The following ITGAL variants were observed in gnomAD, a reference collection of about 807,000 sequenced individuals.
ITGAL encodes integrin alpha-L.
In ITGAL, 68 loss-of-function variants were observed where a neutral mutation model predicts 138.4. The observed-to-expected ratio is 0.49, with a 90% CI of 0.40 to 0.60. The LOEUF is 0.60. Ranked by LOEUF, ITGAL falls within the 20% of genes least tolerant of loss-of-function variation. ITGAL has a pLI of 0.00. For synonymous variants in ITGAL, 561 were observed against 584.3 expected (o/e 0.96, Z 0.57); for missense variants, 1,256 against 1,478.6 (o/e 0.85, Z 2.47).
Position 30,481,566 on chromosome 16 carries a change from G to A in ITGAL, c.704G>A (p.Gly235Asp). The A allele has an allele frequency of 6.2e-7, 1 of 1,613,672 alleles. No individual in the cohort carries two copies. The highest frequency in any genetic ancestry group is 1.1e-5 in the South Asian group (1 of 90,980). Residue 235 changes from glycine (G) to aspartate (D), a missense_variant, in exon 7 of 31, where the codon GGT (glycine) becomes GAT (aspartate). Around this residue, in one of 3 missense-constraint regions of ITGAL, gnomAD observed 177 missense variants for 288.8 expected, o/e 0.61. Transcript: ENST00000356798. Reference protein sequence around the residue: ...KHMLLLTNTFGAINYVATEVF... With the variant: ...KHMLLLTNTFDAINYVATEVF... ...ATGTTGCTGTTGACCAATACCTTTG[G>A]TGCCATCAATTATGTCGCGTGAGTT...
At chr16:30,488,622 G>A (rs909700779) in intron 9 of ITGAL, among the ~76,000 whole-genome samples, 1 of 142,532 alleles carries the variant, frequency 7.0e-6, no homozygotes, top group Non-Finnish European at 1.5e-5. Flanking sequence ...AGAATCGCTT[G>A]AACCCAGGAG....
At chr16:30,483,057 G>A (rs1383894107) in intron 7 of ITGAL, 2 of 152,014 alleles carry the variant, frequency 1.3e-5, no homozygotes, top group African/African-American at 4.8e-5. Context: ...GAACTCCCAG[G>A]GCAGAAATTT....
At chr16:30,508,110 G>T (rs897260584) in intron 21 of ITGAL, among the ~76,000 whole-genome samples, 1 of 149,684 alleles carries the variant, frequency 6.7e-6, no homozygotes, top group Non-Finnish European at 1.5e-5. Flanking sequence ...GGGTTTCACT[G>T]TGTTAGCCAG....
rs2051276126 is a variant in ITGAL at position 30,522,977 on chromosome 16, G to A, written c.*1312G>A. Reference sequence around the variant, plus strand: ...AAAAATAAAAATAAAAAGCGGGCACGGGCCCGTGACATCCCCACCCTTGGA... The same window carrying A: ...AAAAATAAAAATAAAAAGCGGGCACAGGCCCGTGACATCCCCACCCTTGGA... On this transcript the variant is annotated 3_prime_UTR_variant, in exon 31 of 31. Coordinates refer to ENST00000356798, the MANE Select transcript of ITGAL (RefSeq NM_002209.3). The surrounding 1 kb of genome is among the most constrained non-coding windows in gnomAD (Gnocchi z 4.0). 2 of 152,354 alleles carry A rather than the reference G, an allele frequency of 1.3e-5. No homozygotes were observed. Among genetic ancestry groups the A allele is most frequent in the African/African-American group, 2.4e-5 (1 of 41,436 alleles). 9.4% of individuals were successfully genotyped at this position (152,354 alleles called of 1,614,324 possible).
intron 24 of ITGAL, among the ~76,000 whole-genome samples, chr16:30,512,192 A>G (rs2051100186): frequency 6.6e-6 from 1 of 152,178 alleles, no homozygotes; most frequent in East Asian, 1.9e-4. Context: ...ATCCTAGCCT[A>G]TGGGCAGGAA....
chr16:30,475,430 A>G, intron 3 of ITGAL, 30 bp downstream of exon 3: 1 of 1,605,582 alleles, frequency 6.2e-7, no homozygotes, highest in Non-Finnish European at 8.5e-7. Flanking sequence ...GCTGGGAGGA[A>G]TGGGATCTTG....
intron 9 of ITGAL, among the ~76,000 whole-genome samples, chr16:30,484,953 A>C (rs1321801342): frequency 6.6e-6 from 1 of 151,772 alleles, no homozygotes; most frequent in Non-Finnish European, 1.5e-5. Context: ...ACAAAAAAAA[A>C]CCTCCCCTGG....
rs375748761 is a variant in ITGAL, at chr16:30,472,824, C to T, written c.-14C>T. The T allele has an allele frequency of 6.8e-6, 11 of 1,611,736 alleles. No homozygotes were observed. The highest frequency in any genetic ancestry group is 5.3e-5 in the African/African-American group (4 of 75,008). The stretch of plus-strand genomic sequence containing the variant: ...GCTGCCCCTGGGGCCACAGGTCCCT[C>T]GAGTGCTGGAAGGATGAAGGATTCC... On this transcript the variant is annotated 5_prime_UTR_variant, in exon 1 of 31. Coordinates refer to ENST00000356798, the MANE Select transcript of ITGAL (RefSeq NM_002209.3).
Position 30,472,845 on chromosome 16 carries a change from A to G in ITGAL, c.8A>G (p.Asp3Gly). 6.2e-7 allele frequency: 1 copy of G among 1,612,832 alleles called. No homozygotes were observed. The highest frequency in any genetic ancestry group is 8.5e-7 in the Non-Finnish European group (1 of 1,179,794). ...CCCTCGAGTGCTGGAAGGATGAAGG[A>G]TTCCTGCATCACTGTGATGGCCATG... Reference protein sequence around the residue: MKDSCITVMAMAL... With the variant: MKGSCITVMAMAL... The change falls in exon 1 of 31, where the codon GAT (aspartate) becomes GGT (glycine). Residue 3 changes from aspartate (D) to glycine (G), a missense_variant. This residue lies in a region of ITGAL where 212 missense variants were observed against 217.4 expected (regional missense o/e 0.98). Transcript: ENST00000356798.
intron 28 of ITGAL, 74 bp downstream of exon 28, chr16:30,517,969 C>T (rs2051195789): frequency 8.6e-7 from 1 of 1,165,618 alleles, no homozygotes; most frequent in Admixed American, 1.7e-5. Flanking sequence ...GGTGGGCTCC[C>T]ACCAGATAGT....
At chr16:30,491,000 T>G (rs943437494) in intron 11 of ITGAL, among the ~76,000 whole-genome samples, 3 of 151,016 alleles carry the variant, frequency 2.0e-5, no homozygotes, top group African/African-American at 4.9e-5. Flanking sequence ...TTGGGCATGG[T>G]TGTGCATGCC....
rs545328079 is a variant in ITGAL, at chr16:30,494,561, C to T, written c.1366-152C>T. ...TTAAGAAACTGAACCTCAAAGAGCC[C>T]ACCTTGTCTTAACGCACATAGACTA... On this transcript the variant is annotated intron_variant, in intron 12 of 30. Transcript: ENST00000356798. This position sits in a 1 kb window ranked among gnomAD's most constrained non-coding sequence, Gnocchi z 4.2. 8.9e-7 allele frequency: 1 copy of T among 1,120,804 alleles called. No homozygotes were observed. Among genetic ancestry groups the T allele is most frequent in the East Asian group, 2.6e-5 (1 of 38,292 alleles). 69.4% of individuals were successfully genotyped at this position (1,120,804 alleles called of 1,614,324 possible).
chr16:30,473,072 C>T (rs1055126112), intron 1 of ITGAL, among the ~76,000 whole-genome samples, 174 bp downstream of exon 1: 6 of 151,998 alleles, frequency 3.9e-5, no homozygotes, highest in Non-Finnish European at 5.9e-5. Flanking sequence ...ATAAAAGAAA[C>T]AAATAAGCAA....
rs761389941 is a variant in ITGAL at position 30,494,809 on chromosome 16, G to A, written c.1462G>A (p.Glu488Lys). 14 of 1,609,406 alleles carry A rather than the reference G, an allele frequency of 8.7e-6. No individual in the cohort carries two copies. The South Asian group carries it at 1.3e-4, about 15-fold the overall frequency. Reference sequence around the variant, plus strand: ...GATTGGTGCCCCACTGTTCTATGGGGAGCAGAGAGGAGGCCGGGTGTTTAT... The same window carrying A: ...GATTGGTGCCCCACTGTTCTATGGGAAGCAGAGAGGAGGCCGGGTGTTTAT... ...LLIGAPLFYG[E>K]QRGGRVFIYQ... Residue 488 changes from glutamate (E) to lysine (K), a missense_variant, in exon 13 of 31, where the codon GAG becomes AAG. Physicochemically the swap from Glu to Lys is moderately conservative, Grantham distance 56. Transcript: ENST00000356798. This position sits in a 1 kb window ranked among gnomAD's most constrained non-coding sequence, Gnocchi z 4.2.
chr16:30,513,957 G>C, intron 25 of ITGAL, 111 bp downstream of exon 25: 1 of 805,346 alleles, frequency 1.2e-6, no homozygotes, highest in Non-Finnish European at 2.1e-6. Context: ...CCATCCAACT[G>C]TTCAATAATC....
chr16:30,474,211 A>G lies in ITGAL; in HGVS notation c.77A>G (p.Tyr26Cys), dbSNP rs1463148714. The G allele has an allele frequency of 6.2e-7, 1 of 1,606,344 alleles. No homozygotes were observed. The highest frequency in any genetic ancestry group is 1.1e-5 in the South Asian group (1 of 89,978). ...GFFFFAPASS[Y>C]NLDVRGARSF... ...CCTTCCTCAGCGCCGGCCTCGAGCT[A>G]CAACCTGGACGTGCGGGGCGCGCGG... The change falls in exon 2 of 31, where the codon TAC becomes TGC. Residue 26 changes from tyrosine to cysteine, a missense_variant. Transcript: ENST00000356798.
Position 30,483,890 on chromosome 16 carries a change from C to T in ITGAL, c.786C>T (p.Ile262=). 6.2e-7 allele frequency: 1 copy of T among 1,614,124 alleles called. No individual in the cohort carries two copies. The part of the protein sequence containing the change: ...RPDATKVLII[I]TDGEATDSGN... ...ATGCCACCAAAGTGCTTATCATCAT[C>T]ACGGATGGGGAGGCCACTGACAGTG... is the stretch of plus-strand genomic sequence containing the variant. Residue 262 remains isoleucine (I), a synonymous_variant, in exon 8 of 31, where the codon ATC becomes ATT. Coordinates refer to ENST00000356798, the MANE Select transcript of ITGAL (RefSeq NM_002209.3).
In ITGAL at chr16:30,499,499, C is replaced by T. The variant is rs1429964147; in HGVS notation, c.2145+10C>T. Reference sequence around the variant, plus strand: ...CTCATTTCATTTCCCGGTAAGGGAGCCAGCGCCAATGCTCTGGGATGAGCT... The same window carrying T: ...CTCATTTCATTTCCCGGTAAGGGAGTCAGCGCCAATGCTCTGGGATGAGCT... On this transcript the variant is annotated intron_variant, in intron 17 of 30. Transcript: ENST00000356798. The T allele has an allele frequency of 1.2e-6, 2 of 1,612,608 alleles. No homozygotes were observed. Among genetic ancestry groups the T allele is most frequent in the East Asian group, 2.2e-5 (1 of 44,858 alleles).
intron 8 of ITGAL, 73 bp downstream of exon 8, chr16:30,484,032 G>C: frequency 6.3e-7 from 1 of 1,593,572 alleles, no homozygotes; most frequent in South Asian, 1.1e-5. Context: ...TTTCTCCCTG[G>C]GGCCAGACTC....
Sources: allele counts gnomAD v4.1 joint callset (sites outside exome capture counted in the v4.1 genomes callset), GRCh38; gene constraint gnomAD v4.1.1; regional missense constraint gnomAD v4.1.1; non-coding constraint Gnocchi (gnomAD v3.1); transcripts MANE v1.5; gene names NCBI Gene and HGNC (gene_info 2026-07-23, HGNC 2026-07-21).